KCNH5: variants seen among roughly 807,000 people sequenced by gnomAD.
The protein encoded by KCNH5 is voltage-gated delayed rectifier potassium channel KCNH5.
A neutral mutation model predicts 96.1 loss-of-function variants in KCNH5; 46 were observed. The observed-to-expected ratio is 0.48, with a 90% CI of 0.38 to 0.61. The LOEUF is 0.61. KCNH5 is among the 20% of genes least tolerant of loss of function. The probability of loss-of-function intolerance (pLI) is 0.00; values close to 1 mark genes in which losing one functional copy is unlikely to be tolerated. For synonymous variants in KCNH5, 439 were observed against 449.8 expected, an observed-to-expected ratio of 0.98 and a Z score of 0.30; for missense variants, 907 against 1,225.8, an observed-to-expected ratio of 0.74 and a Z score of 3.88.
intron 8 of KCNH5, among the ~76,000 whole-genome samples, chr14:62,830,591 G>T (rs143840791): frequency 6.0e-4 from 91 of 152,222 alleles, no homozygotes; most frequent in African/African-American, 1.9e-3. Context: ...GATCTTGTGA[G>T]AACTCACTCA....
chr14:62,977,207 T>G (rs993310180), intron 6 of KCNH5, among the ~76,000 whole-genome samples: 3 of 151,546 alleles, frequency 2.0e-5, no homozygotes, highest in Non-Finnish European at 2.9e-5. Flanking sequence ...ACTAAAAAAA[T>G]TTAAAAAAAA....
chr14:62,749,123 A>G (rs1375258019), intron 10 of KCNH5, among the ~76,000 whole-genome samples: 34 of 152,194 alleles, frequency 2.2e-4, no homozygotes, highest in Non-Finnish European at 4.7e-4. Flanking sequence ...CATACCCAAC[A>G]GTTTGGTTAT....
chr14:63,029,903 C>G (rs1891594730), intron 1 of KCNH5, among the ~76,000 whole-genome samples: 1 of 152,040 alleles, frequency 6.6e-6, no homozygotes, highest in Non-Finnish European at 1.5e-5. Flanking sequence ...ATTAAAATTG[C>G]TTCCCAGAAA....
At chr14:63,003,832 G>A (rs1375799878) in intron 3 of KCNH5, among the ~76,000 whole-genome samples, 3 of 150,956 alleles carry the variant, frequency 2.0e-5, no homozygotes, top group Non-Finnish European at 2.9e-5. Flanking sequence ...GTGTTAACCA[G>A]GATGGTCTCG....
intron 9 of KCNH5, among the ~76,000 whole-genome samples, chr14:62,782,833 G>A (rs904624632): frequency 4.6e-5 from 7 of 151,722 alleles, no homozygotes; most frequent in African/African-American, 1.7e-4. Flanking sequence ...AAAATAAAAT[G>A]AAATAAAAAA....
intron 7 of KCNH5, among the ~76,000 whole-genome samples, chr14:62,873,930 G>A (rs1888315027): frequency 6.6e-6 from 1 of 152,088 alleles, no homozygotes; most frequent in Non-Finnish European, 1.5e-5. Context: ...TATGATCCCA[G>A]GCTTGCAACA....
Position 62,861,673 on chromosome 14 carries a change from C to CACAT in KCNH5, c.1370-11822_1370-11821insATGT, listed in dbSNP as rs1371234433. Among the ~76,000 whole-genome samples the CACAT allele has an allele frequency of 2.0e-3, 296 of 148,768 alleles. 4 individuals are homozygous for CACAT. The highest frequency in any genetic ancestry group is 6.2e-3 in the African/African-American group (253 of 40,640). On this transcript the variant is annotated intron_variant, in intron 7 of 10. Transcript: ENST00000322893. ...ACACACACACACACACACACACACA[C>CACAT]ACGGTATAATTATGATCTGATCTGA...
At chr14:62,947,801 C>T (rs1238191441) in intron 7 of KCNH5, among the ~76,000 whole-genome samples, 1 of 147,312 alleles carries the variant, frequency 6.8e-6, no homozygotes, top group Non-Finnish European at 1.5e-5. Flanking sequence ...ACCTTCAGTA[C>T]AATCTTTTTT....
intron 8 of KCNH5, among the ~76,000 whole-genome samples, chr14:62,808,227 A>AT (rs1330199585): frequency 4.6e-5 from 7 of 152,130 alleles, no homozygotes; most frequent in African/African-American, 9.7e-5. Flanking sequence ...GGGAATGTGG[A>AT]TTTTTTTGTG....
intron 10 of KCNH5, among the ~76,000 whole-genome samples, chr14:62,739,634 A>C (rs1158055422): frequency 6.6e-6 from 1 of 152,110 alleles, no homozygotes; most frequent in East Asian, 1.9e-4. Flanking sequence ...ACCCATCGAA[A>C]CTATAAATCT....
At chr14:62,874,148 C>G (rs1888320521) in intron 7 of KCNH5, among the ~76,000 whole-genome samples, 1 of 152,164 alleles carries the variant, frequency 6.6e-6, no homozygotes, top group Non-Finnish European at 1.5e-5. Flanking sequence ...CTTTGTATAT[C>G]TGTTTACTAC....
chr14:62,843,404 A>G lies in KCNH5; in HGVS notation c.1569+6249T>C, dbSNP rs542902576. Among the ~76,000 whole-genome samples, 26 of 142,144 alleles carry G rather than the reference A, an allele frequency of 1.8e-4. 1 individual carries two copies. In the South Asian group the frequency reaches 5.2e-3, roughly 28 times the overall value. 93.3% of individuals were successfully genotyped at this position (142,144 alleles called of 152,430 possible). On this transcript the variant is annotated intron_variant, in intron 8 of 10. Coordinates refer to ENST00000322893, the MANE Select transcript of KCNH5 (RefSeq NM_139318.5). Reference sequence around the variant, plus strand: ...TTATTATATTCACATGGATATATTTACATGGCTTTTTTTTTTTTTTTTTTT... The same window carrying G: ...TTATTATATTCACATGGATATATTTGCATGGCTTTTTTTTTTTTTTTTTTT...
intron 7 of KCNH5, among the ~76,000 whole-genome samples, chr14:62,932,560 C>A (rs1459395564): frequency 6.8e-6 from 1 of 147,864 alleles, no homozygotes; most frequent in African/African-American, 2.5e-5. Flanking sequence ...AAAGATAAAA[C>A]CAGGAGTAAC....
intron 7 of KCNH5, among the ~76,000 whole-genome samples, chr14:62,884,201 T>C (rs1595669628): frequency 2.0e-5 from 3 of 152,224 alleles, no homozygotes. Context: ...ACAATGTATC[T>C]ATAATACGGC....
Position 62,708,296 on chromosome 14 carries a change from C to G in KCNH5, c.2179G>C (p.Gly727Arg), listed in dbSNP as rs1191530986. The G allele has an allele frequency of 1.2e-6, 2 of 1,614,052 alleles. No homozygotes were observed. The highest frequency in any genetic ancestry group is 1.7e-6 in the Non-Finnish European group (2 of 1,180,044). Residue 727 changes from glycine to arginine, a missense_variant, in exon 11 of 11, where the codon GGT (glycine) becomes CGT (arginine). This residue lies in a region of KCNH5 where 362 missense variants were observed against 394.4 expected (regional missense o/e 0.92). Coordinates refer to ENST00000322893, the MANE Select transcript of KCNH5 (RefSeq NM_139318.5). The stretch of plus-strand genomic sequence containing the variant: ...TGGAGTTGGTTCCTCTCAGGGTCAC[C>G]CTGTGTTGAGCCCTGATTCCGCAGC... ...KELRNQGSTQ[G>R]DPERNQLQVE...
At chr14:62,804,533 T>C (rs965645369) in intron 8 of KCNH5, among the ~76,000 whole-genome samples, 12 of 152,118 alleles carry the variant, frequency 7.9e-5, no homozygotes, top group Admixed American at 2.0e-4. Context: ...AAAGGGACAA[T>C]TGCAATACAA....
intron 7 of KCNH5, among the ~76,000 whole-genome samples, chr14:62,877,788 G>A (rs1200261836): frequency 6.6e-6 from 1 of 151,998 alleles, no homozygotes. Flanking sequence ...TCAGTGTGGT[G>A]ATTCCTCAGG....
chr14:62,789,894 G>A (rs900198842), intron 9 of KCNH5, among the ~76,000 whole-genome samples: 1 of 151,856 alleles, frequency 6.6e-6, no homozygotes, highest in African/African-American at 2.4e-5. Flanking sequence ...GTACAGAAAC[G>A]TTTTAGTGTG....
At chr14:63,030,814 T>A (rs1891610837) in intron 1 of KCNH5, among the ~76,000 whole-genome samples, 1 of 152,218 alleles carries the variant, frequency 6.6e-6, no homozygotes, top group Non-Finnish European at 1.5e-5. Context: ...CTAATGCAGA[T>A]GCTCTGAACT....
Sources: gnomAD v4.1 joint callset for allele counts (sites outside exome capture counted in the v4.1 genomes callset) on GRCh38, gnomAD v4.1.1 for gene constraint, gnomAD v4.1.1 regional missense constraint, MANE v1.5 for transcripts, NCBI Gene and HGNC (gene_info 2026-07-23, HGNC 2026-07-21) for gene names.